ACE: variants seen among roughly 807,000 people sequenced by gnomAD.
The protein encoded by ACE is angiotensin-converting enzyme.
ACE carries 122 observed loss-of-function variants against 162.3 expected under a neutral mutation model. That is an observed-to-expected ratio of 0.75 (90% CI 0.65 to 0.87). The LOEUF (loss-of-function observed/expected upper bound fraction) is 0.87, where lower values mean the gene tolerates loss of function less well. Among genes scored for constraint, ACE ranks in the 40% least tolerant of loss-of-function variants. The probability of loss-of-function intolerance (pLI) is 0.00; values close to 1 mark genes in which losing one functional copy is unlikely to be tolerated. For synonymous variants in ACE, 796 were observed against 720.6 expected (o/e 1.10, Z -1.68); for missense variants, 1,799 against 1,735.1 (o/e 1.04, Z -0.65).
Position 63,481,679 on chromosome 17 carries a change from C to T in ACE, c.1059C>T (p.Asp353=), listed in dbSNP as rs933147418. The T allele has an allele frequency of 6.2e-6, 10 of 1,613,832 alleles. No individual in the cohort carries two copies. In the African/African-American group the frequency reaches 9.4e-5, roughly 15 times the overall value. Reference sequence around the variant, plus strand: ...GGTCGATGCTGGAGAAGCCGGCCGACGGGCGGGAAGTGGTGTGCCACGCCT... The same window carrying T: ...GGTCGATGCTGGAGAAGCCGGCCGATGGGCGGGAAGTGGTGTGCCACGCCT... ...WEGSMLEKPA[D]GREVVCHASA... Residue 353 remains aspartate (D), a synonymous_variant, in exon 7 of 25, where the codon GAC becomes GAT. Coordinates refer to ENST00000290866, the MANE Select transcript of ACE (RefSeq NM_000789.4).
intron 1 of ACE, 127 bp downstream of exon 1, chr17:63,477,470 C>G: frequency 1.3e-6 from 1 of 760,664 alleles, no homozygotes; most frequent in Non-Finnish European, 1.7e-6. Context: ...GGACCCTCGC[C>G]CCGACAGTCA....
intron 17 of ACE, 125 bp downstream of exon 17, chr17:63,489,257 A>T: frequency 5.8e-6 from 7 of 1,201,112 alleles, no homozygotes; most frequent in East Asian, 2.6e-5. Flanking sequence ...CCTGTGGGGG[A>T]TGGTTGCCCA....
chr17:63,492,424 C>T (rs1016489274), intron 19 of ACE, among the ~76,000 whole-genome samples: 5 of 152,218 alleles, frequency 3.3e-5, no homozygotes, highest in Non-Finnish European at 5.9e-5. Flanking sequence ...AGAACAGACA[C>T]GGGGAGCCTG....
chr17:63,494,296 T>C, intron 21 of ACE, 76 bp from the exon 22 acceptor site: 1 of 1,421,628 alleles, frequency 7.0e-7, no homozygotes, highest in Non-Finnish European at 9.8e-7. Flanking sequence ...GCAGGGACCC[T>C]CCCTCAAGTC....
chr17:63,497,234 C>G lies in ACE; in HGVS notation c.3789C>G (p.Leu1263=), dbSNP rs1262562180. The change falls in exon 25 of 25, where the codon CTC becomes CTG. Residue 1263 remains leucine, a synonymous_variant. Coordinates refer to ENST00000290866, the MANE Select transcript of ACE (RefSeq NM_000789.4). ...CCCGCGTGGGCCAGTGGCTGCTGCTCTTCCTGGGCATCGCCCTGCTGGTAG... is the reference window on the plus strand; with the variant it reads ...CCCGCGTGGGCCAGTGGCTGCTGCTGTTCCTGGGCATCGCCCTGCTGGTAG... ...QQARVGQWLL[L]FLGIALLVAT... 1.3e-6 allele frequency: 2 copies of G among 1,589,846 alleles called. No individual in the cohort carries two copies. The highest frequency in any genetic ancestry group is 3.5e-5 in the Admixed American group (2 of 57,232).
rs1181835738 is a variant in ACE, at chr17:63,490,971, A to G, written c.2659A>G (p.Thr887Ala). ...GCCTCCAGGGAACATGTGGGCGCAG[A>G]CCTGGTCCAACATCTATGACTTGGT... is the stretch of plus-strand genomic sequence containing the variant. ...AHLLGNMWAQ[T>A]WSNIYDLVVP... Residue 887 changes from threonine to alanine, a missense_variant, in exon 18 of 25, where the codon ACC becomes GCC. Transcript: ENST00000290866. The G allele has an allele frequency of 2.5e-6, 4 of 1,614,054 alleles. No individual in the cohort carries two copies. Among genetic ancestry groups the G allele is most frequent in the Admixed American group, 3.3e-5 (2 of 60,010 alleles).
In ACE at chr17:63,491,308, G is replaced by C; in HGVS notation, c.2839G>C (p.Glu947Gln). 1 of 1,614,176 alleles carries C rather than the reference G, an allele frequency of 6.2e-7. No individual in the cohort carries two copies. The highest frequency in any genetic ancestry group is 8.5e-7 in the Non-Finnish European group (1 of 1,180,030). Reference sequence around the variant, plus strand: ...TGAGTTCTGGAACAAGTCGATGCTGGAGAAGCCAACCGACGGGCGGGAGGT... The same window carrying C: ...TGAGTTCTGGAACAAGTCGATGCTGCAGAAGCCAACCGACGGGCGGGAGGT... ...PPEFWNKSML[E>Q]KPTDGREVVC... The change falls in exon 19 of 25, where the codon GAG becomes CAG. Residue 947 changes from glutamate to glutamine, a missense_variant. Transcript: ENST00000290866. The surrounding 1 kb of genome is among the most constrained non-coding windows in gnomAD (Gnocchi z 4.4).
At chr17:63,485,120 G>A in intron 12 of ACE, 116 bp from the exon 13 acceptor site, 1 of 1,543,704 alleles carries the variant, frequency 6.5e-7, no homozygotes, top group Non-Finnish European at 8.7e-7. Flanking sequence ...GGCGGGGCCG[G>A]GTAGGGACAG....
In ACE at chr17:63,497,534, C is replaced by G. The variant is rs1175407331; in HGVS notation, c.*168C>G. 2 of 722,592 alleles carry G rather than the reference C, an allele frequency of 2.8e-6. No individual in the cohort carries two copies. The highest frequency in any genetic ancestry group is 2.0e-5 in the Admixed American group (1 of 50,020). 44.8% of individuals were successfully genotyped at this position (722,592 alleles called of 1,614,324 possible). ...CCTCCAGACCACCAGCCGCCCCAGC[C>G]CCTTCTCCCAGCACACGGCTGCCTG... On this transcript the variant is annotated 3_prime_UTR_variant, in exon 25 of 25. Coordinates refer to ENST00000290866, the MANE Select transcript of ACE (RefSeq NM_000789.4).
At chr17:63,478,855 A>G (rs1169326312) in intron 2 of ACE, 152 bp from the exon 3 acceptor site, 5 of 703,828 alleles carry the variant, frequency 7.1e-6, no homozygotes, top group Admixed American at 2.0e-5. Flanking sequence ...CGGTCACACT[A>G]AGTGACACTT....
chr17:63,482,553 G>A lies in ACE; in HGVS notation c.1206G>A (p.Lys402=), dbSNP rs568223557. 19 of 1,614,118 alleles carry A rather than the reference G, an allele frequency of 1.2e-5. 1 individual carries two copies. In the Middle Eastern group the frequency reaches 2.5e-3, roughly 210 times the overall value. The change falls in exon 8 of 25, where the codon AAG becomes AAA. Residue 402 remains lysine (K), a synonymous_variant. Transcript: ENST00000290866. ...MGHIQYYLQY[K]DLPVSLRRGA... is the part of the protein sequence containing the mutation. Reference sequence around the variant, plus strand: ...ATATACAGTACTACCTGCAGTACAAGGATCTGCCCGTCTCCCTGCGTCGGG... The same window carrying A: ...ATATACAGTACTACCTGCAGTACAAAGATCTGCCCGTCTCCCTGCGTCGGG...
At chr17:63,493,329 G>T in intron 19 of ACE, 107 bp from the exon 20 acceptor site, 1 of 1,043,462 alleles carries the variant, frequency 9.6e-7, no homozygotes, top group Non-Finnish European at 1.5e-6. Flanking sequence ...CCTGCATGCT[G>T]CAGTGCTGGG....
chr17:63,485,196 A>G, intron 12 of ACE, 40 bp from the exon 13 acceptor site: 1 of 1,613,562 alleles, frequency 6.2e-7, no homozygotes, highest in Non-Finnish European at 8.5e-7. Flanking sequence ...TGGAGAGGGG[A>G]GGCAGAGGTT....
intron 21 of ACE, 66 bp from the exon 22 acceptor site, chr17:63,494,306 C>T (rs2030590992): frequency 6.6e-7 from 1 of 1,513,554 alleles, no homozygotes; most frequent in South Asian, 1.1e-5. Flanking sequence ...TCCCTCAAGT[C>T]AAAAATGCCA....
rs112008404 is a variant in ACE at position 63,492,941 on chromosome 17, A to G, written c.2913-495A>G. 5.8e-3 allele frequency among the ~76,000 whole-genome samples: 880 copies of G among 152,342 alleles called. 6 individuals are homozygous for G. The highest frequency in any genetic ancestry group is 0.019 in the African/African-American group (802 of 41,576). The stretch of plus-strand genomic sequence containing the variant: ...TGGTTTGGGCAGCTCTGCAGCTGCC[A>G]TTCATCCTGGCCATAAGAATTCTTG... On this transcript the variant is annotated intron_variant, in intron 19 of 24. Coordinates refer to ENST00000290866, the MANE Select transcript of ACE (RefSeq NM_000789.4).
In ACE at chr17:63,479,166, A is replaced by G. The variant is rs4296; in HGVS notation, c.511+66A>G. The G allele has an allele frequency of 1, 1,299,584 of 1,300,402 alleles. 649,394 individuals carry two copies. The highest frequency in any genetic ancestry group is 1 in the Middle Eastern group (5,506 of 5,506). 80.6% of individuals were successfully genotyped at this position (1,300,402 alleles called of 1,614,324 possible). A position where few individuals can be genotyped will look rare whatever the true frequency, so the allele number is the denominator to read the frequency against. On this transcript the variant is annotated intron_variant, in intron 3 of 24. Coordinates refer to ENST00000290866, the MANE Select transcript of ACE (RefSeq NM_000789.4). Reference sequence around the variant, plus strand: ...TTCCCACATTGCCCTGCTGCACTCCAGACCATGCAGTTGTGTAGGGTCTGT... The same window carrying G: ...TTCCCACATTGCCCTGCTGCACTCCGGACCATGCAGTTGTGTAGGGTCTGT...
At chr17:63,490,737 G>T (rs1220477620) in intron 17 of ACE, 6 of 586,816 alleles carry the variant, frequency 1.0e-5, no homozygotes, top group Non-Finnish European at 1.9e-5. Flanking sequence ...CTGATAACCA[G>T]CAAGGCCCCC....
Position 63,481,674 on chromosome 17 carries a change from G to A in ACE, c.1054G>A (p.Ala352Thr). The A allele has an allele frequency of 6.2e-7, 1 of 1,614,150 alleles. No homozygotes were observed. The highest frequency in any genetic ancestry group is 8.5e-7 in the Non-Finnish European group (1 of 1,180,030). The part of the protein sequence containing the change: ...FWEGSMLEKP[A>T]DGREVVCHAS... The stretch of plus-strand genomic sequence containing the variant: ...GGAAGGGTCGATGCTGGAGAAGCCG[G>A]CCGACGGGCGGGAAGTGGTGTGCCA... Residue 352 changes from alanine (A) to threonine (T), a missense_variant, in exon 7 of 25, where the codon GCC becomes ACC. Coordinates refer to ENST00000290866, the MANE Select transcript of ACE (RefSeq NM_000789.4).
chr17:63,486,291 G>C, intron 13 of ACE: 1 of 542,234 alleles, frequency 1.8e-6, no homozygotes, highest in Non-Finnish European at 3.3e-6. Flanking sequence ...TCCTTCCTAA[G>C]GGCCTTTACG....
Sources: gnomAD v4.1 joint callset for allele counts (sites outside exome capture counted in the v4.1 genomes callset) on GRCh38, gnomAD v4.1.1 for gene constraint, Gnocchi (gnomAD v3.1) non-coding constraint, MANE v1.5 for transcripts, NCBI Gene and HGNC (gene_info 2026-07-23, HGNC 2026-07-21) for gene names.